Variants in DAB1 observed in about 807,000 individuals in gnomAD.
The protein encoded by DAB1 is DAB adaptor protein 1.
Under a neutral mutation model 64.6 loss-of-function variants are expected in DAB1, and 15 were observed. The ratio of observed to expected loss-of-function variants is 0.23; its 90% CI spans 0.16 to 0.36. The LOEUF is 0.36. DAB1 is among the 10% of genes least tolerant of loss of function. DAB1 has a pLI of 1.00. For missense variants in DAB1, 596 were observed against 706.7 expected, an observed-to-expected ratio of 0.84 and a Z score of 1.78; for synonymous variants, 235 against 251.9, an observed-to-expected ratio of 0.93 and a Z score of 0.64.
intron 3 of DAB1, among the ~76,000 whole-genome samples, chr1:58,492,271 A>G (rs1645709410): frequency 2.0e-5 from 3 of 152,222 alleles, no homozygotes; most frequent in Admixed American, 2.0e-4. Flanking sequence ...AGCAGTGTGT[A>G]GAGGGAAATT....
intron 5 of DAB1, among the ~76,000 whole-genome samples, chr1:58,141,065 G>A (rs1570408116): frequency 6.6e-6 from 1 of 152,286 alleles, no homozygotes; most frequent in East Asian, 1.9e-4. Flanking sequence ...GCCTCAGGGA[G>A]CTTTTACTCA....
At chr1:57,229,442 G>A (rs954072342) in intron 2 of DAB1, among the ~76,000 whole-genome samples, 3 of 151,864 alleles carry the variant, frequency 2.0e-5, no homozygotes, top group Non-Finnish European at 4.4e-5. Context: ...CAATCTGCCT[G>A]CCTCAGCCTC....
At chr1:57,164,877 A>ATTTTTTTTTTT (rs1661083747) in intron 2 of DAB1, among the ~76,000 whole-genome samples, 2 of 152,076 alleles carry the variant, frequency 1.3e-5, no homozygotes, top group Non-Finnish European at 2.9e-5. Flanking sequence ...ACTCAGGTTG[A>ATTTTTTTTTTT]TTTGTTACTT....
At chr1:58,542,846 G>A (rs1011625338) in intron 1 of DAB1, among the ~76,000 whole-genome samples, 5 of 152,196 alleles carry the variant, frequency 3.3e-5, no homozygotes, top group Admixed American at 1.3e-4. Flanking sequence ...ACAGAGCTAG[G>A]AGTAGGTATT....
chr1:58,245,321 G>T (rs922222922), intron 4 of DAB1, among the ~76,000 whole-genome samples: 9 of 152,040 alleles, frequency 5.9e-5, no homozygotes, highest in Non-Finnish European at 1.3e-4. Context: ...ATGAGCCCTG[G>T]ACCCAAAGAC....
intron 6 of DAB1, among the ~76,000 whole-genome samples, chr1:57,738,396 G>A (rs1156374484): frequency 6.6e-6 from 1 of 152,180 alleles, no homozygotes; most frequent in Non-Finnish European, 1.5e-5. Context: ...GGATGTGACA[G>A]CACTTTGTAA....
At position 57,646,548 on chromosome 1, in the gene DAB1, G is replaced by T. The variant is rs1405926786; in HGVS notation, n.625+3044C>A. 2.0e-5 allele frequency among the ~76,000 whole-genome samples: 3 copies of T among 152,234 alleles called. No homozygotes were observed. The East Asian group carries it at 5.8e-4, about 29-fold the overall frequency. ...GAATTGCTTGAACCCAAGAGTTCAAGATTACCCTGAGCCACATAGCAAGAT... is the reference window on the plus strand; with the variant it reads ...GAATTGCTTGAACCCAAGAGTTCAATATTACCCTGAGCCACATAGCAAGAT... On this transcript the variant is annotated intron_variant and non_coding_transcript_variant, in intron 7 of 20. Coordinates refer to the DAB1 transcript ENST00000485760.
chr1:57,460,249 A>T (rs1686739306), intron 7 of DAB1, among the ~76,000 whole-genome samples: 1 of 152,188 alleles, frequency 6.6e-6, no homozygotes, highest in Non-Finnish European at 1.5e-5. Flanking sequence ...ATTCGTCCCC[A>T]TCCCCTTGTT....
intron 1 of DAB1, among the ~76,000 whole-genome samples, chr1:57,349,065 C>A (rs563667559): frequency 1.3e-5 from 2 of 152,306 alleles, no homozygotes; most frequent in East Asian, 1.9e-4. Flanking sequence ...ACTGAACATT[C>A]ATTTCCCTCA....
chr1:58,225,101 A>C (rs1295185147), intron 4 of DAB1, among the ~76,000 whole-genome samples: 5 of 151,822 alleles, frequency 3.3e-5, no homozygotes, highest in African/African-American at 9.7e-5. Context: ...CAATGAACTC[A>C]AACAAATTTA....
intron 7 of DAB1, among the ~76,000 whole-genome samples, chr1:57,574,394 G>A (rs998057900): frequency 1.3e-5 from 2 of 152,156 alleles, no homozygotes; most frequent in African/African-American, 4.8e-5. Flanking sequence ...AAAGCAGCAA[G>A]CATTTATTGA....
intron 7 of DAB1, among the ~76,000 whole-genome samples, chr1:57,553,684 AT>A (rs372097357): frequency 2.0e-4 from 31 of 152,152 alleles, no homozygotes; most frequent in African/African-American, 7.0e-4. Context: ...AATAGAAAAA[AT>A]AAAAAAAAAG....
At chr1:57,864,677 T>TA (rs1046726403) in intron 1 of DAB1, 1 of 132,048 alleles carries the variant, frequency 7.6e-6, no homozygotes, top group Non-Finnish European at 1.6e-5. Context: ...TTTATTTATT[T>TA]ATTTAATTAT....
intron 2 of DAB1, among the ~76,000 whole-genome samples, chr1:57,162,105 T>C (rs747886122): frequency 6.6e-6 from 1 of 152,206 alleles, no homozygotes; most frequent in Non-Finnish European, 1.5e-5. Flanking sequence ...AAGATGCATT[T>C]TCCCTGCGAG....
At chr1:58,401,700 T>C (rs1644569600) in intron 3 of DAB1, among the ~76,000 whole-genome samples, 1 of 152,212 alleles carries the variant, frequency 6.6e-6, no homozygotes, top group Non-Finnish European at 1.5e-5. Flanking sequence ...ATTGAATGAA[T>C]GAATAACTAG....
chr1:58,123,875 T>C (rs74076078), intron 5 of DAB1, among the ~76,000 whole-genome samples: 30,400 of 152,036 alleles, frequency 0.2, 3,213 homozygotes, highest in East Asian at 0.36. Flanking sequence ...GTTATATATG[T>C]GAGAGGAAGA....
chr1:58,323,288 G>A (rs1232005617), intron 4 of DAB1, among the ~76,000 whole-genome samples: 2 of 151,480 alleles, frequency 1.3e-5, no homozygotes, highest in African/African-American at 2.4e-5. Flanking sequence ...CACTCTCCTT[G>A]CTCTTCTCAC....
chr1:57,868,309 C>T (rs1424675690), intron 1 of DAB1, among the ~76,000 whole-genome samples: 3 of 152,056 alleles, frequency 2.0e-5, no homozygotes, highest in Admixed American at 6.6e-5. Flanking sequence ...TGTTCTAGGC[C>T]TGTAACAAAA....
intron 2 of DAB1, among the ~76,000 whole-genome samples, chr1:58,525,201 A>G (rs1646330599): frequency 1.3e-5 from 2 of 152,168 alleles, no homozygotes. Flanking sequence ...TGCATTCATG[A>G]CATATCCTTT....
Sources: gnomAD v4.1 joint callset for allele counts (sites outside exome capture counted in the v4.1 genomes callset) on GRCh38, gnomAD v4.1.1 for gene constraint, MANE v1.5 for transcripts, NCBI Gene and HGNC (gene_info 2026-07-23, HGNC 2026-07-21) for gene names.